Variants in MED12L observed in about 807,000 individuals in gnomAD.
MED12L encodes mediator of RNA polymerase II transcription subunit 12-like protein.
Under a neutral mutation model 281.3 loss-of-function variants are expected in MED12L, and 60 were observed. That is an observed-to-expected ratio of 0.21 (90% CI 0.17 to 0.26). The LOEUF (loss-of-function observed/expected upper bound fraction) is 0.26, where lower values mean the gene tolerates loss of function less well. Ranked by LOEUF, MED12L falls within the 10% of genes least tolerant of loss-of-function variation. The pLI is 1.00. For missense variants in MED12L, 2,146 were observed against 2,680.9 expected (o/e 0.80, Z 4.41); for synonymous variants, 974 against 987.2 (o/e 0.99, Z 0.25).
chr3:151,132,615 C>G (rs999087647), intron 5 of MED12L, among the ~76,000 whole-genome samples: 4 of 152,124 alleles, frequency 2.6e-5, no homozygotes, highest in Non-Finnish European at 5.9e-5. Context: ...TTTTCTCCTT[C>G]AAAGTTACTA....
chr3:151,166,702 G>C (rs1196996601), intron 11 of MED12L, among the ~76,000 whole-genome samples: 1 of 150,990 alleles, frequency 6.6e-6, no homozygotes, highest in Non-Finnish European at 1.5e-5. Flanking sequence ...TAAAGACAGA[G>C]TCTCACACTG....
In MED12L at chr3:151,115,423, A is replaced by G. The variant is rs1156555514; in HGVS notation, c.100-915A>G. Among the ~76,000 whole-genome samples, 5 of 125,668 alleles carry G rather than the reference A, an allele frequency of 4.0e-5. No individual in the cohort carries two copies. The East Asian group carries it at 1.2e-3, about 30-fold the overall frequency. The allele number at this position is 125,668 out of a possible 152,430, so 82.4% of individuals were successfully genotyped here. A position where few individuals can be genotyped will look rare whatever the true frequency, so the allele number is the denominator to read the frequency against. On this transcript the variant is annotated intron_variant, in intron 2 of 44. Coordinates refer to ENST00000687756, the MANE Select transcript of MED12L (RefSeq NM_001393769.1). ...GAGTGCAGTGGTGTGATCTCGGCTC[A>G]CTTCAACCTCCGCCTCCCAGGTTCT...
At chr3:151,384,026 TTAAA>T (rs1712882723) in intron 34 of MED12L, 53 bp from the exon 35 acceptor site, 1 of 1,553,466 alleles carries the variant, frequency 6.4e-7, no homozygotes, top group Admixed American at 1.8e-5. Context: ...AAATACTCAG[TTAAA>T]TAAGTGTATT....
In MED12L at chr3:151,338,844, A is replaced by G. The variant is rs764619024; in HGVS notation, c.2251-11215A>G. On this transcript the variant is annotated intron_variant, in intron 16 of 44. Coordinates refer to ENST00000687756, the MANE Select transcript of MED12L (RefSeq NM_001393769.1). ...AGAGGTGAGGTTGTCGACGGCTTGC[A>G]TTTCTTGTTGGTTACCTAGAGAACA... The G allele has an allele frequency of 4.3e-6, 7 of 1,613,306 alleles. 1 individual carries two copies. In the South Asian group the frequency reaches 5.5e-5, roughly 13 times the overall value.
intron 16 of MED12L, among the ~76,000 whole-genome samples, chr3:151,241,201 A>G (rs561448918): frequency 9.2e-5 from 14 of 152,292 alleles, no homozygotes; most frequent in Admixed American, 3.3e-4. Flanking sequence ...TTTTGAGACT[A>G]TATCTCTTTA....
intron 13 of MED12L, among the ~76,000 whole-genome samples, chr3:151,190,395 C>A (rs1276561758): frequency 6.6e-6 from 1 of 152,108 alleles, no homozygotes; most frequent in African/African-American, 2.4e-5. Context: ...TGGTCTCGAA[C>A]TCCTGACCTC....
chr3:151,128,590 T>A (rs899864212), intron 5 of MED12L, among the ~76,000 whole-genome samples: 2 of 152,124 alleles, frequency 1.3e-5, no homozygotes, highest in Non-Finnish European at 2.9e-5. Flanking sequence ...GTTTCTTGTT[T>A]GTTGTACTTG....
intron 43 of MED12L, among the ~76,000 whole-genome samples, chr3:151,429,768 G>C (rs1306909389): frequency 6.6e-6 from 1 of 152,160 alleles, no homozygotes; most frequent in African/African-American, 2.4e-5. Context: ...ATCCTGCCCA[G>C]GCCCGGGCTC....
chr3:151,214,019 G>A lies in MED12L; in HGVS notation c.2250+20353G>A, dbSNP rs771850898. On this transcript the variant is annotated intron_variant, in intron 16 of 44. Transcript: ENST00000687756. ...CTGACGTACATGTTGACGTAGAAGA[G>A]CACGGCAGAGACCCTGCACACAAAC... 12 of 1,614,084 alleles carry A rather than the reference G, an allele frequency of 7.4e-6. No homozygotes were observed. In the East Asian group the frequency reaches 2.0e-4, roughly 27 times the overall value.
intron 16 of MED12L, among the ~76,000 whole-genome samples, chr3:151,254,508 G>A (rs1737447938): frequency 6.6e-6 from 1 of 152,136 alleles, no homozygotes. Flanking sequence ...GTTGAGATAT[G>A]TAAACATGCT....
chr3:151,221,325 G>C lies in MED12L; in HGVS notation c.2250+27659G>C, dbSNP rs552953556. 2.0e-5 allele frequency among the ~76,000 whole-genome samples: 3 copies of C among 152,340 alleles called. No individual in the cohort carries two copies. In the East Asian group the frequency reaches 5.8e-4, roughly 29 times the overall value. On this transcript the variant is annotated intron_variant, in intron 16 of 44. Coordinates refer to ENST00000687756, the MANE Select transcript of MED12L (RefSeq NM_001393769.1). Reference sequence around the variant, plus strand: ...AGAAAAGAAAATCCCATCTTCTGACGAGAAGTTCAAGCCGGCTGCAGAAGT... The same window carrying C: ...AGAAAAGAAAATCCCATCTTCTGACCAGAAGTTCAAGCCGGCTGCAGAAGT...
Position 151,387,790 on chromosome 3 carries a change from A to G in MED12L, c.5089-20A>G. 6.3e-7 allele frequency: 1 copy of G among 1,595,484 alleles called. No individual in the cohort carries two copies. The highest frequency in any genetic ancestry group is 8.5e-7 in the Non-Finnish European group (1 of 1,170,386). ...GGAAAAGATCTGAGTGTGCTATCTTAGAGCGCTATTTTCCCACAGGGTCTC... is the reference window on the plus strand; with the variant it reads ...GGAAAAGATCTGAGTGTGCTATCTTGGAGCGCTATTTTCCCACAGGGTCTC... On this transcript the variant is annotated intron_variant, in intron 36 of 44. Transcript: ENST00000687756.
chr3:151,213,573 A>G, intron 16 of MED12L: 1 of 1,614,210 alleles, frequency 6.2e-7, no homozygotes, highest in Non-Finnish European at 8.5e-7. Flanking sequence ...CAATATGGTA[A>G]GGTACAAAAC....
At chr3:151,283,736 C>T (rs1743109520) in intron 16 of MED12L, among the ~76,000 whole-genome samples, 1 of 152,208 alleles carries the variant, frequency 6.6e-6, no homozygotes, top group Non-Finnish European at 1.5e-5. Context: ...GAATATTCTC[C>T]AACTCCGTGC....
At chr3:151,221,539 A>G (rs28810515) in intron 16 of MED12L, among the ~76,000 whole-genome samples, 21,561 of 152,148 alleles carry the variant, frequency 0.14, 1,608 homozygotes, top group Middle Eastern at 0.17. Flanking sequence ...GGTGCCCTGC[A>G]TCCCAGCCAC....
intron 44 of MED12L, 90 bp downstream of exon 44, chr3:151,430,470 G>C: frequency 6.3e-7 from 1 of 1,580,630 alleles, no homozygotes. Flanking sequence ...TCCCAAGATG[G>C]TACCATCTTC....
chr3:151,392,928 G>T (rs982202841), intron 38 of MED12L, among the ~76,000 whole-genome samples: 5 of 152,166 alleles, frequency 3.3e-5, no homozygotes. Flanking sequence ...TCCCTTTTCT[G>T]TAAATGAGTC....
rs746890091 is a variant in MED12L at position 151,385,209 on chromosome 3, T to G, written c.5088+18T>G. On this transcript the variant is annotated intron_variant, in intron 36 of 44. Transcript: ENST00000687756. ...AAAAACAGGCAAGAGTGAATGTTTT[T>G]TCTTATATATAAATTTATTTACAAA... 2 of 1,145,886 alleles carry G rather than the reference T, an allele frequency of 1.7e-6. No individual in the cohort carries two copies. Among genetic ancestry groups the G allele is most frequent in the South Asian group, 2.9e-5 (2 of 69,836 alleles). 71.0% of individuals were successfully genotyped at this position (1,145,886 alleles called of 1,614,324 possible). A position where few individuals can be genotyped will look rare whatever the true frequency, so the allele number is the denominator to read the frequency against.
chr3:151,348,496 A>C (rs552367621), intron 16 of MED12L, among the ~76,000 whole-genome samples: 65 of 152,168 alleles, frequency 4.3e-4, no homozygotes, highest in African/African-American at 1.5e-3. Context: ...ATGATTAGGA[A>C]TATCTTTTGA....
Sources: allele counts gnomAD v4.1 joint callset (sites outside exome capture counted in the v4.1 genomes callset), GRCh38; gene constraint gnomAD v4.1.1; transcripts MANE v1.5; gene names NCBI Gene and HGNC (gene_info 2026-07-23, HGNC 2026-07-21).